The following TM2D1 variants were observed in gnomAD, a reference collection of about 807,000 sequenced individuals.
TM2D1 encodes the protein TM2 domain containing 1.
A neutral mutation model predicts 28.4 loss-of-function variants in TM2D1; 15 were observed. The observed-to-expected ratio is 0.53, with a 90% CI of 0.35 to 0.81. The LOEUF (loss-of-function observed/expected upper bound fraction) is 0.81, where lower values mean the gene tolerates loss of function less well. Among genes scored for constraint, TM2D1 ranks in the 40% least tolerant of loss-of-function variants. The probability of loss-of-function intolerance (pLI) is 0.01; values close to 1 mark genes in which losing one functional copy is unlikely to be tolerated. For synonymous variants in TM2D1, 93 were observed against 96.2 expected (o/e 0.97, Z 0.20); for missense variants, 236 against 254.9 (o/e 0.93, Z 0.50).
At chr1:61,692,895 C>T (rs1644339263) in intron 5 of TM2D1, among the ~76,000 whole-genome samples, 1 of 152,142 alleles carries the variant, frequency 6.6e-6, no homozygotes, top group Non-Finnish European at 1.5e-5. Flanking sequence ...TCTAACTCTA[C>T]ACCTCAATAA....
intron 1 of TM2D1, 98 bp from the exon 2 acceptor site, chr1:61,723,884 G>A: frequency 5.7e-6 from 3 of 522,910 alleles, no homozygotes; most frequent in Non-Finnish European, 6.7e-6. Flanking sequence ...ATATTCACAT[G>A]TAAATAGAGG....
At chr1:61,717,197 CAAAACA>C (rs1644528476) in intron 2 of TM2D1, among the ~76,000 whole-genome samples, 1 of 123,090 alleles carries the variant, frequency 8.1e-6, no homozygotes, top group Non-Finnish European at 1.6e-5. Context: ...AAATACAAAA[CAAAACA>C]AAAAAAAAAA....
intron 3 of TM2D1, among the ~76,000 whole-genome samples, chr1:61,707,403 A>G (rs935309434): frequency 2.0e-5 from 3 of 152,252 alleles, no homozygotes; most frequent in Non-Finnish European, 4.4e-5. Context: ...TACAGATAAT[A>G]TAAACCTGTA....
intron 5 of TM2D1, among the ~76,000 whole-genome samples, chr1:61,688,657 A>C (rs1178028428): frequency 2.0e-5 from 3 of 150,098 alleles, no homozygotes; most frequent in Admixed American, 6.7e-5. Flanking sequence ...CAGGAGGCGG[A>C]GGTCACAGTG....
At chr1:61,692,408 CACTGGA>C (rs1557527584) in intron 5 of TM2D1, among the ~76,000 whole-genome samples, 1 of 147,768 alleles carries the variant, frequency 6.8e-6, no homozygotes, top group Non-Finnish European at 1.5e-5. Context: ...CATTGCTACT[CACTGGA>C]AAATAATATT....
At chr1:61,724,739 A>C (rs1344215040) in intron 1 of TM2D1, among the ~76,000 whole-genome samples, 1 of 152,196 alleles carries the variant, frequency 6.6e-6, no homozygotes. Flanking sequence ...AGGAAGCGCC[A>C]ATGACTAGTA....
chr1:61,719,539 C>A (rs1427468122), intron 2 of TM2D1, among the ~76,000 whole-genome samples: 1 of 152,076 alleles, frequency 6.6e-6, no homozygotes, highest in Non-Finnish European at 1.5e-5. Context: ...GTTGCCCAGG[C>A]TAGAGTGCAG....
intron 2 of TM2D1, among the ~76,000 whole-genome samples, chr1:61,721,263 T>G (rs1230620090): frequency 6.6e-6 from 1 of 150,780 alleles, no homozygotes; most frequent in African/African-American, 2.4e-5. Flanking sequence ...AAAATTAGGC[T>G]GGGCTCAGTG....
chr1:61,697,274 G>T (rs889602776), intron 4 of TM2D1, among the ~76,000 whole-genome samples: 18 of 152,090 alleles, frequency 1.2e-4, no homozygotes, highest in African/African-American at 4.1e-4. Flanking sequence ...CAGTGAACTG[G>T]TAAGTTTAAA....
At chr1:61,685,646 C>A (rs1298967282) in intron 5 of TM2D1, among the ~76,000 whole-genome samples, 5 of 146,236 alleles carry the variant, frequency 3.4e-5, no homozygotes, top group Non-Finnish European at 7.8e-5. Flanking sequence ...CACATGTGTG[C>A]CACACACCAT....
chr1:61,725,080 G>T lies in TM2D1; in HGVS notation c.41C>A (p.Ala14Asp), dbSNP rs747743577. The change falls in exon 1 of 7, where the codon GCC becomes GAC. Residue 14 changes from alanine to aspartate, a missense_variant. Physicochemically the swap from Ala to Asp is moderately radical, Grantham distance 126. Transcript: ENST00000606498. ...AWPSGPSAPE[A>D]VTARLVGVLW... ...GACACCAACGAGTCTGGCCGTCACGGCCTCCGGAGCAGACGGACCAGACGG... is the reference window on the plus strand; with the variant it reads ...GACACCAACGAGTCTGGCCGTCACGTCCTCCGGAGCAGACGGACCAGACGG... 1.2e-6 allele frequency: 2 copies of T among 1,613,880 alleles called. No individual in the cohort carries two copies. The highest frequency in any genetic ancestry group is 2.2e-5 in the East Asian group (1 of 44,884).
intron 2 of TM2D1, among the ~76,000 whole-genome samples, chr1:61,709,680 C>G (rs533781814): frequency 2.0e-5 from 3 of 152,208 alleles, no homozygotes; most frequent in South Asian, 4.2e-4. Flanking sequence ...AGATGCATGG[C>G]CAATCTATAA....
At chr1:61,681,602 G>A (rs1644244322) in intron 6 of TM2D1, among the ~76,000 whole-genome samples, 1 of 152,168 alleles carries the variant, frequency 6.6e-6, no homozygotes, top group African/African-American at 2.4e-5. Context: ...AGGCTACCAA[G>A]AATGAGATTC....
chr1:61,724,492 T>C (rs1258334253), intron 1 of TM2D1: 3 of 153,766 alleles, frequency 2.0e-5, no homozygotes, highest in African/African-American at 4.8e-5. Flanking sequence ...AGTTTGAAGA[T>C]GACATGAGGT....
chr1:61,689,358 T>C (rs1244447787), intron 5 of TM2D1, among the ~76,000 whole-genome samples: 1 of 150,072 alleles, frequency 6.7e-6, no homozygotes, highest in Non-Finnish European at 1.5e-5. Flanking sequence ...AAGGAAATAT[T>C]TTATTTTATT....
At chr1:61,686,493 CAA>C (rs556342728) in intron 5 of TM2D1, among the ~76,000 whole-genome samples, 1 of 136,794 alleles carries the variant, frequency 7.3e-6, no homozygotes, top group Non-Finnish European at 1.6e-5. Flanking sequence ...CCAGTATCTA[CAA>C]AAAAAAAAAA....
chr1:61,714,467 G>C (rs1644502466), intron 2 of TM2D1, among the ~76,000 whole-genome samples: 1 of 152,014 alleles, frequency 6.6e-6, no homozygotes, highest in African/African-American at 2.4e-5. Context: ...CTTGGACCCG[G>C]GAAGCGGAGG....
At chr1:61,720,917 C>T (rs1444660607) in intron 2 of TM2D1, among the ~76,000 whole-genome samples, 1 of 152,034 alleles carries the variant, frequency 6.6e-6, no homozygotes, top group Non-Finnish European at 1.5e-5. Flanking sequence ...CCTACCCAAA[C>T]ATTAGTTTAT....
At chr1:61,712,889 C>G (rs1295161441) in intron 2 of TM2D1, among the ~76,000 whole-genome samples, 5 of 152,086 alleles carry the variant, frequency 3.3e-5, no homozygotes, top group Admixed American at 1.3e-4. Flanking sequence ...CACTTAAAAG[C>G]TGAGAATTGG....
Sources: allele counts gnomAD v4.1 joint callset (sites outside exome capture counted in the v4.1 genomes callset), GRCh38; gene constraint gnomAD v4.1.1; transcripts MANE v1.5; gene names NCBI Gene and HGNC (gene_info 2026-07-23, HGNC 2026-07-21).